Variants in CDH12 observed in about 807,000 individuals in gnomAD.
The protein encoded by CDH12 is cadherin 12, also known as cadherin-12.
In CDH12, 41 loss-of-function variants were observed where a neutral mutation model predicts 74.1. That is an observed-to-expected ratio of 0.55 (90% CI 0.43 to 0.72). CDH12 has a LOEUF of 0.72. Among genes scored for constraint, CDH12 ranks in the 30% least tolerant of loss-of-function variants. The pLI, the probability that CDH12 is intolerant of heterozygous loss-of-function variation, is 0.00. For missense variants in CDH12, 945 were observed against 977.2 expected (o/e 0.97, Z 0.44); for synonymous variants, 399 against 355.0 (o/e 1.12, Z -1.39).
chr5:22,351,733 A>G (rs1740363101), intron 3 of CDH12, among the ~76,000 whole-genome samples: 1 of 152,196 alleles, frequency 6.6e-6, no homozygotes. Context: ...ATTTTTCAAT[A>G]TTTATCCTAT....
At chr5:22,804,269 A>G (rs545020001) in intron 1 of CDH12, among the ~76,000 whole-genome samples, 116 of 152,292 alleles carry the variant, frequency 7.6e-4, no homozygotes, top group African/African-American at 2.7e-3. Flanking sequence ...CACTGTTCCT[A>G]TGTTTAATAT....
At chr5:22,293,998 T>C (rs1737517030) in intron 3 of CDH12, among the ~76,000 whole-genome samples, 1 of 152,130 alleles carries the variant, frequency 6.6e-6, no homozygotes, top group Admixed American at 6.6e-5. Context: ...ACAATAACTA[T>C]GTGAGGTAAT....
At chr5:22,336,656 A>G (rs1421082305) in intron 3 of CDH12, among the ~76,000 whole-genome samples, 2 of 152,238 alleles carry the variant, frequency 1.3e-5, no homozygotes, top group Admixed American at 1.3e-4. Flanking sequence ...AGTGCACACA[A>G]GTCAAGAATT....
At chr5:22,691,919 T>G (rs1027519715) in intron 1 of CDH12, among the ~76,000 whole-genome samples, 3 of 152,030 alleles carry the variant, frequency 2.0e-5, no homozygotes, top group African/African-American at 7.2e-5. Context: ...GAAATACATG[T>G]TTTTCTTTTC....
At chr5:22,168,361 T>C (rs1748816011) in intron 4 of CDH12, among the ~76,000 whole-genome samples, 1 of 152,076 alleles carries the variant, frequency 6.6e-6, no homozygotes, top group African/African-American at 2.4e-5. Flanking sequence ...GATTCCAGAG[T>C]TAGAGCTCAA....
chr5:22,795,882 T>A (rs1278505596), intron 1 of CDH12, among the ~76,000 whole-genome samples: 1 of 152,004 alleles, frequency 6.6e-6, no homozygotes, highest in Admixed American at 6.6e-5. Flanking sequence ...CATTATAAAG[T>A]GAGACTGAGG....
chr5:22,547,996 T>C (rs1015329833), intron 1 of CDH12, among the ~76,000 whole-genome samples: 15 of 152,230 alleles, frequency 9.9e-5, no homozygotes, highest in African/African-American at 2.7e-4. Context: ...GTTTTGATTA[T>C]TCTGTTAATC....
Position 22,433,494 on chromosome 5 carries a change from A to T in CDH12, c.-427-28143T>A, listed in dbSNP as rs1236281846. Among the ~76,000 whole-genome samples the T allele has an allele frequency of 2.6e-5, 4 of 152,098 alleles. No homozygotes were observed. The East Asian group carries it at 7.7e-4, about 29-fold the overall frequency. On this transcript the variant is annotated intron_variant, in intron 2 of 14. Coordinates refer to ENST00000382254, the MANE Select transcript of CDH12 (RefSeq NM_004061.5). ...TCACTTAAGGAATTCACAATCTGATAAATTCAACAGATACATAAATGAGTA... is the reference window on the plus strand; with the variant it reads ...TCACTTAAGGAATTCACAATCTGATTAATTCAACAGATACATAAATGAGTA...
chr5:22,640,425 A>G (rs1033945737), intron 1 of CDH12, among the ~76,000 whole-genome samples: 2 of 152,144 alleles, frequency 1.3e-5, no homozygotes, highest in African/African-American at 4.8e-5. Flanking sequence ...TCTTAACACA[A>G]TCCTACTCTG....
At chr5:22,478,036 A>G (rs1250366294) in intron 2 of CDH12, among the ~76,000 whole-genome samples, 1 of 152,206 alleles carries the variant, frequency 6.6e-6, no homozygotes, top group Non-Finnish European at 1.5e-5. Context: ...CTCATTATAT[A>G]TTCCCTGAGA....
At chr5:22,232,215 A>AT (rs553215422) in intron 3 of CDH12, among the ~76,000 whole-genome samples, 52 of 151,824 alleles carry the variant, frequency 3.4e-4, no homozygotes, top group Non-Finnish European at 5.3e-4. Context: ...TATAAAAACA[A>AT]TTTTCTTGGA....
At chr5:22,236,379 T>A (rs757575754) in intron 3 of CDH12, among the ~76,000 whole-genome samples, 2 of 152,206 alleles carry the variant, frequency 1.3e-5, no homozygotes, top group African/African-American at 4.8e-5. Flanking sequence ...TATTCTATTA[T>A]CTTTTTCTAT....
At chr5:22,647,943 T>C (rs568108611) in intron 1 of CDH12, among the ~76,000 whole-genome samples, 18 of 152,016 alleles carry the variant, frequency 1.2e-4, no homozygotes, top group Admixed American at 9.8e-4. Context: ...GTAATATATA[T>C]GTTTTTGAAA....
At chr5:21,951,492 C>T (rs888191676) in intron 6 of CDH12, among the ~76,000 whole-genome samples, 7 of 152,160 alleles carry the variant, frequency 4.6e-5, no homozygotes, top group Non-Finnish European at 7.3e-5. Context: ...AGGTGATTGG[C>T]CCGCATCAGC....
chr5:22,840,235 C>T (rs1377494366), intron 1 of CDH12, among the ~76,000 whole-genome samples: 1 of 152,248 alleles, frequency 6.6e-6, no homozygotes, highest in East Asian at 1.9e-4. Flanking sequence ...ATTCTCCTGC[C>T]TCAGTCTCTG....
At chr5:22,248,090 A>G (rs1216373964) in intron 3 of CDH12, among the ~76,000 whole-genome samples, 1 of 152,148 alleles carries the variant, frequency 6.6e-6, no homozygotes, top group African/African-American at 2.4e-5. Context: ...TGAGGTTAGG[A>G]GTTCGAAACC....
At chr5:22,257,750 C>T (rs1489177763) in intron 3 of CDH12, among the ~76,000 whole-genome samples, 2 of 152,072 alleles carry the variant, frequency 1.3e-5, no homozygotes, top group Admixed American at 1.3e-4. Context: ...CCTGCCTCAG[C>T]CTCCCAAAGT....
At chr5:22,658,584 T>C (rs1740182199) in intron 1 of CDH12, among the ~76,000 whole-genome samples, 1 of 152,232 alleles carries the variant, frequency 6.6e-6, no homozygotes, top group Non-Finnish European at 1.5e-5. Flanking sequence ...TCCTACATTT[T>C]ACTTTTTGCT....
intron 4 of CDH12, among the ~76,000 whole-genome samples, chr5:22,187,644 C>A (rs1432731562): frequency 7.0e-6 from 1 of 142,246 alleles, no homozygotes; most frequent in Non-Finnish European, 1.5e-5. Context: ...GAACATCGAC[C>A]TTGAAAGAGG....
Sources: gnomAD v4.1 joint callset for allele counts (sites outside exome capture counted in the v4.1 genomes callset) on GRCh38, gnomAD v4.1.1 for gene constraint, MANE v1.5 for transcripts, NCBI Gene and HGNC (gene_info 2026-07-23, HGNC 2026-07-21) for gene names.